SAMMSON: variants seen among roughly 807,000 people sequenced by gnomAD.
SAMMSON encodes the protein long intergenic non-protein coding RNA 1212.
intron 7 of SAMMSON, among the ~76,000 whole-genome samples, chr3:70,328,480 A>G (rs1414997629): frequency 6.6e-6 from 1 of 152,188 alleles, no homozygotes; most frequent in East Asian, 1.9e-4. Flanking sequence ...GATCTAGAAA[A>G]ACACCAATTT....
At chr3:70,244,816 A>G (rs1701691406) in intron 4 of SAMMSON, among the ~76,000 whole-genome samples, 1 of 152,226 alleles carries the variant, frequency 6.6e-6, no homozygotes. Flanking sequence ...GTATATATCC[A>G]TGCCTCTCAC....
chr3:70,317,383 A>G (rs2106714714), intron 7 of SAMMSON, among the ~76,000 whole-genome samples: 2 of 152,068 alleles, frequency 1.3e-5, no homozygotes, highest in South Asian at 4.1e-4. Context: ...ATTTTTACCA[A>G]TAAAGTATTT....
rs1488527949 is a variant in SAMMSON, at chr3:70,421,191, T to A, written n.234-41369T>A. Among the ~76,000 whole-genome samples, 6 of 152,124 alleles carry A rather than the reference T, an allele frequency of 3.9e-5. No homozygotes were observed. The East Asian group carries it at 7.7e-4, about 20-fold the overall frequency. On this transcript the variant is annotated intron_variant and non_coding_transcript_variant, in intron 2 of 3. Coordinates refer to the SAMMSON transcript ENST00000641053. ...GGCATTTCTTAGTATAATATAAGTGTCTTTTTTATGCTAGCTATGCTAGCT... is the reference window on the plus strand; with the variant it reads ...GGCATTTCTTAGTATAATATAAGTGACTTTTTTATGCTAGCTATGCTAGCT...
intron 6 of SAMMSON, among the ~76,000 whole-genome samples, chr3:70,257,518 G>C (rs1319861824): frequency 2.6e-5 from 4 of 152,020 alleles, no homozygotes; most frequent in African/African-American, 9.7e-5. Context: ...GGAAGGAAGG[G>C]AGGGAGAACT....
At chr3:70,072,777 A>G (rs2067235389) in intron 4 of SAMMSON, 1 of 152,064 alleles carries the variant, frequency 6.6e-6, no homozygotes, top group African/African-American at 2.4e-5. Context: ...ATACACATTT[A>G]AACTACTTAG....
In SAMMSON at chr3:70,006,546, T is replaced by A. The variant is rs112453334; in HGVS notation, n.23-5811T>A. On this transcript the variant is annotated intron_variant and non_coding_transcript_variant, in intron 1 of 9. Coordinates refer to ENST00000642114, the Ensembl canonical transcript of SAMMSON. ...GTCTTAGTGGTTAACCAAGTCCATG[T>A]GATTTCTACCACTCCTATGCTACTT... 7.8e-3 allele frequency among the ~76,000 whole-genome samples: 1,184 copies of A among 152,304 alleles called. 18 individuals carry two copies. Among genetic ancestry groups the A allele is most frequent in the African/African-American group, 0.027 (1,105 of 41,568 alleles).
rs1293925362 is a variant in SAMMSON at position 70,303,120 on chromosome 3, C to A, written n.739+11877C>A. Reference sequence around the variant, plus strand: ...GAAACATTCAGTGCTTCATCAACAGCACATATCACGTAAGAAAATATTATT... The same window carrying A: ...GAAACATTCAGTGCTTCATCAACAGAACATATCACGTAAGAAAATATTATT... On this transcript the variant is annotated intron_variant and non_coding_transcript_variant, in intron 7 of 9. Transcript: ENST00000642114. 3.9e-5 allele frequency among the ~76,000 whole-genome samples: 6 copies of A among 152,154 alleles called. No homozygotes were observed. In the East Asian group the frequency reaches 1.2e-3, roughly 29 times the overall value.
At chr3:70,418,946 T>TTTCCTTTCCTTTCCA (rs1701286718) in intron 2 of SAMMSON, among the ~76,000 whole-genome samples, 1 of 97,322 alleles carries the variant, frequency 1.0e-5, no homozygotes, top group South Asian at 3.5e-4. Flanking sequence ...TTTCCTTTCC[T>TTTCCTTTCCTTTCCA]TTCCTTTCCT....
chr3:70,232,458 G>T (rs943639760), intron 4 of SAMMSON, among the ~76,000 whole-genome samples: 1 of 151,368 alleles, frequency 6.6e-6, no homozygotes, highest in Non-Finnish European at 1.5e-5. Context: ...CTGGAGTGCA[G>T]TGGCAATCTT....
chr3:70,160,609 T>C (rs999268692), intron 4 of SAMMSON, among the ~76,000 whole-genome samples: 30 of 152,076 alleles, frequency 2.0e-4, no homozygotes, highest in African/African-American at 7.0e-4. Flanking sequence ...GTAGTAAATT[T>C]TGATATGAGT....
chr3:70,322,825 G>T (rs1458858781), intron 7 of SAMMSON, among the ~76,000 whole-genome samples: 1 of 152,054 alleles, frequency 6.6e-6, no homozygotes, highest in Non-Finnish European at 1.5e-5. Context: ...AATTAGAAAA[G>T]AATATCAGTG....
chr3:70,044,033 A>C (rs1335906519), intron 3 of SAMMSON, among the ~76,000 whole-genome samples: 1 of 152,106 alleles, frequency 6.6e-6, no homozygotes, highest in Non-Finnish European at 1.5e-5. Flanking sequence ...CATAGGGAAG[A>C]TATTCCTACG....
At chr3:70,218,165 A>C (rs1001889011) in intron 4 of SAMMSON, among the ~76,000 whole-genome samples, 1 of 152,194 alleles carries the variant, frequency 6.6e-6, no homozygotes, top group African/African-American at 2.4e-5. Context: ...GTGGTCTCCA[A>C]AGTGGCATAT....
chr3:70,422,129 A>T (rs79969582), intron 2 of SAMMSON, among the ~76,000 whole-genome samples: 1 of 151,320 alleles, frequency 6.6e-6, no homozygotes, highest in Admixed American at 6.6e-5. Context: ...TAAAAAAAAA[A>T]TCAGAGGCAC....
chr3:70,018,585 G>A (rs567322555), intron 3 of SAMMSON, among the ~76,000 whole-genome samples: 1 of 152,068 alleles, frequency 6.6e-6, no homozygotes, highest in Admixed American at 6.6e-5. Flanking sequence ...ATTCCCTTCA[G>A]TTCTGCTCTG....
intron 4 of SAMMSON, among the ~76,000 whole-genome samples, chr3:70,119,883 C>T (rs1185997784): frequency 6.6e-6 from 1 of 151,980 alleles, no homozygotes; most frequent in African/African-American, 2.4e-5. Context: ...TTAAAATATC[C>T]ATTTTGGTTA....
intron 6 of SAMMSON, among the ~76,000 whole-genome samples, chr3:70,290,453 C>T (rs926579032): frequency 2.6e-5 from 4 of 152,216 alleles, no homozygotes; most frequent in African/African-American, 9.6e-5. Flanking sequence ...AGAACCACTG[C>T]TCTCTTCAAA....
At chr3:70,356,636 T>C (rs1406856542) in intron 8 of SAMMSON, among the ~76,000 whole-genome samples, 1 of 152,198 alleles carries the variant, frequency 6.6e-6, no homozygotes, top group African/African-American at 2.4e-5. Flanking sequence ...TTTTGTTTTT[T>C]AAACAAAATA....
intron 2 of SAMMSON, among the ~76,000 whole-genome samples, chr3:70,433,179 G>C (rs540304133): frequency 6.6e-6 from 1 of 152,144 alleles, no homozygotes; most frequent in Admixed American, 6.5e-5. Flanking sequence ...AAATACCAAG[G>C]AGCATATTTG....
Sources: allele counts gnomAD v4.1 joint callset (sites outside exome capture counted in the v4.1 genomes callset), GRCh38; gene constraint gnomAD v4.1.1; transcripts MANE v1.5; gene names NCBI Gene and HGNC (gene_info 2026-07-23, HGNC 2026-07-21).